The following JMJD1C variants were observed in gnomAD, a reference collection of about 807,000 sequenced individuals.
JMJD1C encodes jumonji domain containing 1C.
A neutral mutation model predicts 245.3 loss-of-function variants in JMJD1C; 31 were observed. The ratio of observed to expected loss-of-function variants is 0.13; its 90% CI spans 0.09 to 0.17. The LOEUF is 0.17. JMJD1C is among the 10% of genes least tolerant of loss of function. The pLI, the probability that JMJD1C is intolerant of heterozygous loss-of-function variation, is 1.00. For synonymous variants in JMJD1C, 1,057 were observed against 1,017.4 expected (o/e 1.04, Z -0.74); for missense variants, 2,691 against 3,000.2 (o/e 0.90, Z 2.41).
At chr10:63,345,488 C>CAAAA (rs34551660) in intron 2 of JMJD1C, among the ~76,000 whole-genome samples, 1 of 100,470 alleles carries the variant, frequency 1.0e-5, no homozygotes, top group Non-Finnish European at 2.0e-5. Flanking sequence ...GACTTTGTCT[C>CAAAA]AAAAAAAAAA....
chr10:63,269,054 G>T (rs952873909), intron 2 of JMJD1C: 2 of 985,256 alleles, frequency 2.0e-6, no homozygotes, highest in Non-Finnish European at 2.4e-6. Context: ...TGCATCCTCC[G>T]ATCTGGGTCA....
chr10:63,194,576 C>CA, intron 13 of JMJD1C: 3 of 444,076 alleles, frequency 6.8e-6, no homozygotes, highest in Non-Finnish European at 8.1e-6. Context: ...TCAGGAAAAA[C>CA]AGTTCCACCA....
chr10:63,475,166 A>G (rs1326539191), intron 1 of JMJD1C, among the ~76,000 whole-genome samples: 4 of 152,202 alleles, frequency 2.6e-5, no homozygotes, highest in Non-Finnish European at 5.9e-5. Flanking sequence ...TACTTGCAAC[A>G]TATGTAGAGT....
intron 1 of JMJD1C, among the ~76,000 whole-genome samples, chr10:63,497,591 C>T (rs1047743224): frequency 6.6e-6 from 1 of 152,152 alleles, no homozygotes; most frequent in Non-Finnish European, 1.5e-5. Context: ...TGTGAACATG[C>T]TAAAAACCAT....
chr10:63,471,956 T>G (rs929945374), intron 1 of JMJD1C, among the ~76,000 whole-genome samples: 1 of 152,144 alleles, frequency 6.6e-6, no homozygotes, highest in African/African-American at 2.4e-5. Flanking sequence ...GGGAATCACT[T>G]GAACGCGGGA....
intron 2 of JMJD1C, among the ~76,000 whole-genome samples, chr10:63,346,947 T>TCC (rs1164384111): frequency 6.6e-6 from 1 of 151,954 alleles, no homozygotes; most frequent in Non-Finnish European, 1.5e-5. Flanking sequence ...AGGACTTAGG[T>TCC]CCCCCTACAC....
At chr10:63,400,882 T>C (rs914245255) in intron 1 of JMJD1C, among the ~76,000 whole-genome samples, 1 of 151,832 alleles carries the variant, frequency 6.6e-6, no homozygotes, top group Non-Finnish European at 1.5e-5. Context: ...CTTTTTGTTG[T>C]TGTTGTTTTT....
rs185216212 is a variant in JMJD1C, at chr10:63,195,957, C to T, written c.5644+1454G>A. Among the ~76,000 whole-genome samples the T allele has an allele frequency of 6.9e-4, 102 of 148,542 alleles. 2 individuals carry two copies. The South Asian group carries it at 7.7e-3, about 11-fold the overall frequency. On this transcript the variant is annotated intron_variant, in intron 13 of 25. Coordinates refer to ENST00000399262, the MANE Select transcript of JMJD1C (RefSeq NM_032776.3). ...AAAAGAAAAAAGAATGATACGGTAA[C>T]AAGACTATACTTTCAAAATTAATAC...
At chr10:63,345,497 A>T (rs1035018149) in intron 2 of JMJD1C, among the ~76,000 whole-genome samples, 1 of 151,692 alleles carries the variant, frequency 6.6e-6, no homozygotes, top group Non-Finnish European at 1.5e-5. Context: ...TCAAAAAAAA[A>T]AAAAAAAACA....
intron 2 of JMJD1C, among the ~76,000 whole-genome samples, chr10:63,379,301 AG>A (rs1178192885): frequency 6.6e-6 from 1 of 152,138 alleles, no homozygotes; most frequent in African/African-American, 2.4e-5. Flanking sequence ...TTTCTTTGAT[AG>A]TAACATAAGA....
At chr10:63,250,489 C>A (rs1852910055) in intron 3 of JMJD1C, among the ~76,000 whole-genome samples, 1 of 152,094 alleles carries the variant, frequency 6.6e-6, no homozygotes, top group African/African-American at 2.4e-5. Flanking sequence ...CTTACTTAGC[C>A]AGGGTAGAGC....
intron 1 of JMJD1C, among the ~76,000 whole-genome samples, chr10:63,490,033 T>C (rs1471127295): frequency 6.6e-6 from 1 of 152,218 alleles, no homozygotes; most frequent in Non-Finnish European, 1.5e-5. Context: ...TGCATGTTCC[T>C]TATGAGAATC....
At chr10:63,245,133 CAAAAAAAAAAAAAAA>C (rs71025133) in intron 3 of JMJD1C, among the ~76,000 whole-genome samples, 2 of 65,684 alleles carry the variant, frequency 3.0e-5, no homozygotes, top group Non-Finnish European at 5.7e-5. Flanking sequence ...GACTCTGTCT[CAAAAAAAAAAAAAAA>C]AAAAAAAAAG....
intron 2 of JMJD1C, among the ~76,000 whole-genome samples, chr10:63,280,290 C>T (rs921641122): frequency 1.9e-4 from 29 of 152,112 alleles, no homozygotes; most frequent in African/African-American, 7.0e-4. Flanking sequence ...TTGCTCACGC[C>T]TGTAATCCCA....
At chr10:63,454,013 G>GCA (rs1171560061) in intron 1 of JMJD1C, among the ~76,000 whole-genome samples, 1 of 152,006 alleles carries the variant, frequency 6.6e-6, no homozygotes, top group African/African-American at 2.4e-5. Flanking sequence ...TTGAGCCACT[G>GCA]CACCCGGCCT....
At chr10:63,199,150 A>G (rs1394931357) in intron 11 of JMJD1C, among the ~76,000 whole-genome samples, 3 of 152,136 alleles carry the variant, frequency 2.0e-5, no homozygotes, top group Non-Finnish European at 2.9e-5. Flanking sequence ...TGCCAACTAT[A>G]CATATATTTT....
chr10:63,181,950 G>A (rs1004912983), intron 22 of JMJD1C, among the ~76,000 whole-genome samples: 14 of 152,164 alleles, frequency 9.2e-5, no homozygotes, highest in Admixed American at 1.3e-4. Context: ...GGGGGATAGG[G>A]GTGGTTACCT....
At chr10:63,366,526 A>C (rs1422466368) in intron 2 of JMJD1C, among the ~76,000 whole-genome samples, 1 of 152,230 alleles carries the variant, frequency 6.6e-6, no homozygotes. Context: ...AGCTTGCAGC[A>C]ATGGTATCGG....
intron 2 of JMJD1C, among the ~76,000 whole-genome samples, chr10:63,361,688 A>G (rs1945338629): frequency 7.2e-6 from 1 of 138,160 alleles, no homozygotes; most frequent in Non-Finnish European, 1.5e-5. Flanking sequence ...GCTGGACTCC[A>G]GCCTGGGCAA....
Sources: allele counts gnomAD v4.1 joint callset (sites outside exome capture counted in the v4.1 genomes callset), GRCh38; gene constraint gnomAD v4.1.1; transcripts MANE v1.5; gene names NCBI Gene and HGNC (gene_info 2026-07-23, HGNC 2026-07-21).